The following RET variants were observed in gnomAD, a reference collection of about 807,000 sequenced individuals.
RET encodes the protein proto-oncogene tyrosine-protein kinase receptor Ret.
In RET, 19 loss-of-function variants were observed where a neutral mutation model predicts 118.3. The observed-to-expected ratio is 0.16, with a 90% CI of 0.11 to 0.24. The LOEUF is 0.24. Ranked by LOEUF, RET falls within the 10% of genes least tolerant of loss-of-function variation. The probability of loss-of-function intolerance (pLI) is 1.00; values close to 1 mark genes in which losing one functional copy is unlikely to be tolerated. For missense variants in RET, 1,219 were observed against 1,502.1 expected, an observed-to-expected ratio of 0.81 and a Z score of 3.12; for synonymous variants, 597 against 644.1, an observed-to-expected ratio of 0.93 and a Z score of 1.11.
Position 43,112,694 on chromosome 10 carries a change from C to T in RET, c.1649-159C>T, listed in dbSNP as rs573856340. Among the ~76,000 whole-genome samples the T allele has an allele frequency of 1.4e-4, 21 of 152,342 alleles. No individual in the cohort carries two copies. In the East Asian group the frequency reaches 4.1e-3, roughly 29 times the overall value. ...ATACCTCCTCTCCCATAAGCCATGGCTCCCCAGGATGCTTCCGCTGGCAAG... is the reference window on the plus strand; with the variant it reads ...ATACCTCCTCTCCCATAAGCCATGGTTCCCCAGGATGCTTCCGCTGGCAAG... On this transcript the variant is annotated intron_variant, in intron 8 of 19. Coordinates refer to ENST00000355710, the MANE Select transcript of RET (RefSeq NM_020975.6).
chr10:43,083,931 C>T (rs1013980223), intron 1 of RET, among the ~76,000 whole-genome samples: 6 of 152,216 alleles, frequency 3.9e-5, no homozygotes, highest in African/African-American at 1.4e-4. Flanking sequence ...ACCCATTAAA[C>T]AGCTGCTTCC....
At chr10:43,122,774 A>G (rs1365969340) in intron 16 of RET, among the ~76,000 whole-genome samples, 1 of 151,920 alleles carries the variant, frequency 6.6e-6, no homozygotes, top group African/African-American at 2.4e-5. Flanking sequence ...CGCCTGGCTC[A>G]TTTTTTTGTA....
At chr10:43,086,775 A>G (rs2132558736) in intron 1 of RET, among the ~76,000 whole-genome samples, 1 of 152,380 alleles carries the variant, frequency 6.6e-6, no homozygotes, top group African/African-American at 2.4e-5. Context: ...GCAGTTGGGC[A>G]GGAGCGCCCA....
rs73254040 is a variant in RET at position 43,127,313 on chromosome 10, C to T, written c.3187+591C>T. The T allele has an allele frequency of 5.8e-4, 618 of 1,070,544 alleles. 4 individuals are homozygous for T. The African/African-American group carries it at 9.2e-3, about 16-fold the overall frequency. 66.3% of individuals were successfully genotyped at this position (1,070,544 alleles called of 1,614,324 possible). A position where few individuals can be genotyped will look rare whatever the true frequency, so the allele number is the denominator to read the frequency against. ...AGCTGGCTGGCCCTGGGAGGACGCA[C>T]CCCCACTGCTGTTTTCACATCCTTT... On this transcript the variant is annotated intron_variant, in intron 19 of 19. Transcript: ENST00000355710.
intron 13 of RET, among the ~76,000 whole-genome samples, 176 bp downstream of exon 13, chr10:43,118,656 C>G: frequency 6.6e-6 from 1 of 152,220 alleles, no homozygotes; most frequent in Non-Finnish European, 1.5e-5. Flanking sequence ...GCTGAGTCCA[C>G]GGGCTGAGTG....
At chr10:43,087,988 T>A (rs1002843354) in intron 1 of RET, among the ~76,000 whole-genome samples, 6 of 152,078 alleles carry the variant, frequency 3.9e-5, no homozygotes, top group Non-Finnish European at 4.4e-5. Context: ...ATGATGGTTG[T>A]GGTGGAGGTG....
chr10:43,082,308 A>T (rs1454043255), intron 1 of RET, among the ~76,000 whole-genome samples: 3 of 152,172 alleles, frequency 2.0e-5, no homozygotes, highest in Non-Finnish European at 4.4e-5. Flanking sequence ...CTGGCCCTGG[A>T]GGGAGCAGGT....
At position 43,077,133 on chromosome 10, in the gene RET, A is replaced by G. The variant is rs1043270606; in HGVS notation, c.-126A>G. The G allele has an allele frequency of 8.0e-7, 1 of 1,248,946 alleles. No individual in the cohort carries two copies. 77.4% of individuals were successfully genotyped at this position (1,248,946 alleles called of 1,614,324 possible). A position where few individuals can be genotyped will look rare whatever the true frequency, so the allele number is the denominator to read the frequency against. ...GCCCCGGAACGTGCGTCGCGCCCCC[A>G]GTGTCCGTCGCGTCCGCCGCGCCCC... On this transcript the variant is annotated 5_prime_UTR_variant, in exon 1 of 20. Coordinates refer to ENST00000355710, the MANE Select transcript of RET (RefSeq NM_020975.6).
rs2435352 is a variant in RET at position 43,105,241 on chromosome 10, A to G, written c.867+48A>G. 0.41 allele frequency: 659,310 copies of G among 1,609,180 alleles called. 136,889 individuals are homozygous for G. Among genetic ancestry groups the G allele is most frequent in the South Asian group, 0.51 (46,694 of 90,920 alleles). ...GTCTACCCAGTGTCTGTCTCCGGCC[A>G]CAGTTCGTTTCTCGGTCGGTTTAGT... On this transcript the variant is annotated intron_variant, in intron 4 of 19. Transcript: ENST00000355710.
At chr10:43,105,608 C>T (rs1303867976) in intron 4 of RET, among the ~76,000 whole-genome samples, 2 of 152,182 alleles carry the variant, frequency 1.3e-5, no homozygotes, top group East Asian at 1.9e-4. Flanking sequence ...CCTCCGGCGC[C>T]GCCCGCCCCG....
chr10:43,116,809 A>G (rs1380182961), intron 12 of RET, 78 bp downstream of exon 12: 1 of 1,553,474 alleles, frequency 6.4e-7, no homozygotes, highest in East Asian at 2.2e-5. Context: ...CCTGCCCAGC[A>G]TGGGACCCTG....
intron 16 of RET, among the ~76,000 whole-genome samples, chr10:43,122,861 C>T (rs1190350163): frequency 6.6e-6 from 1 of 152,224 alleles, no homozygotes; most frequent in African/African-American, 2.4e-5. Flanking sequence ...CCACCCACCT[C>T]AGCCTCCCAA....
At position 43,128,520 on chromosome 10, in the gene RET, C is replaced by T; in HGVS notation, c.*251C>T. ...TCTTAGTGGTTAAGCATTCCTTTCT[C>T]TTCAGTGCCCAGCAGCACCCAGTGT... On this transcript the variant is annotated 3_prime_UTR_variant, in exon 20 of 20. Transcript: ENST00000355710. 1 of 565,064 alleles carries T rather than the reference C, an allele frequency of 1.8e-6. No individual in the cohort carries two copies. Among genetic ancestry groups the T allele is most frequent in the Non-Finnish European group, 3.2e-6 (1 of 313,400 alleles). The allele number at this position is 565,064 out of a possible 1,614,324, so 35.0% of individuals were successfully genotyped here.
At position 43,105,102 on chromosome 10, in the gene RET, C is replaced by T. The variant is rs759812068; in HGVS notation, c.776C>T (p.Pro259Leu). ...GAGGAGGTGGTGATGGTGCCCTTCCCGGTGACCGTGTACGACGAGGACGAC... is the reference window on the plus strand; with the variant it reads ...GAGGAGGTGGTGATGGTGCCCTTCCTGGTGACCGTGTACGACGAGGACGAC... ...AREEVVMVPFPVTVYDEDDSA... is the reference protein window; with the variant it reads ...AREEVVMVPFLVTVYDEDDSA... Residue 259 changes from proline (P) to leucine (L), a missense_variant, in exon 4 of 20, where the codon CCG becomes CTG. Physicochemically the swap from Pro to Leu is moderately conservative, Grantham distance 98. Coordinates refer to ENST00000355710, the MANE Select transcript of RET (RefSeq NM_020975.6). The T allele has an allele frequency of 6.8e-6, 11 of 1,612,106 alleles. No individual in the cohort carries two copies. The highest frequency in any genetic ancestry group is 1.3e-5 in the African/African-American group (1 of 74,906).
intron 1 of RET, among the ~76,000 whole-genome samples, chr10:43,092,078 A>C (rs1195660775): frequency 6.6e-6 from 1 of 152,260 alleles, no homozygotes; most frequent in Non-Finnish European, 1.5e-5. Context: ...ACAAAGAGGA[A>C]GTTACCCAAG....
At position 43,106,356 on chromosome 10, in the gene RET, A is replaced by G. The variant is rs1837774355; in HGVS notation, c.868-20A>G. On this transcript the variant is annotated intron_variant, in intron 4 of 19. Coordinates refer to ENST00000355710, the MANE Select transcript of RET (RefSeq NM_020975.6). The surrounding 1 kb of genome is among the most constrained non-coding windows in gnomAD (Gnocchi z 5.1). ...GGGCCCATCTCGCCTGCACTGACCA[A>G]CGCCCTCTGCATCCTGCAGGACACC... 6.2e-7 allele frequency: 1 copy of G among 1,605,618 alleles called. No individual in the cohort carries two copies.
Position 43,105,187 on chromosome 10 carries a change from G to A in RET, c.861G>A (p.Arg287=). Residue 287 remains arginine, a synonymous_variant, in exon 4 of 20, where the codon CGG becomes CGA. Coordinates refer to ENST00000355710, the MANE Select transcript of RET (RefSeq NM_020975.6). ...DTASAVVEFK[R]KEDTVVATLR... is the part of the protein sequence containing the mutation. Reference sequence around the variant, plus strand: ...CCAGCGCCGTGGTGGAGTTCAAGCGGAAGGAGGTGCTTGTCCGCGCGTGCT... The same window carrying A: ...CCAGCGCCGTGGTGGAGTTCAAGCGAAAGGAGGTGCTTGTCCGCGCGTGCT... 1 of 1,612,876 alleles carries A rather than the reference G, an allele frequency of 6.2e-7. No homozygotes were observed. The highest frequency in any genetic ancestry group is 1.1e-5 in the South Asian group (1 of 91,078).
chr10:43,079,368 C>T (rs1056432997), intron 1 of RET, among the ~76,000 whole-genome samples: 1 of 152,234 alleles, frequency 6.6e-6, no homozygotes, highest in African/African-American at 2.4e-5. Flanking sequence ...GGGACACACA[C>T]TCCTCATACC....
intron 1 of RET, among the ~76,000 whole-genome samples, chr10:43,091,821 T>TA (rs1837417212): frequency 2.1e-5 from 1 of 47,708 alleles, no homozygotes. Flanking sequence ...ATGTCTACTA[T>TA]CAAAAAAAAA....
Sources: allele counts gnomAD v4.1 joint callset (sites outside exome capture counted in the v4.1 genomes callset), GRCh38; gene constraint gnomAD v4.1.1; non-coding constraint Gnocchi (gnomAD v3.1); transcripts MANE v1.5; gene names NCBI Gene and HGNC (gene_info 2026-07-23, HGNC 2026-07-21).